DNA2: variants seen among roughly 807,000 people sequenced by gnomAD.
DNA2 encodes the protein DNA replication helicase/nuclease 2, also known as DNA replication ATP-dependent helicase/nuclease DNA2.
In DNA2, 101 loss-of-function variants were observed where a neutral mutation model predicts 119.1. The ratio of observed to expected loss-of-function variants is 0.85; its 90% CI spans 0.72 to 1.00. DNA2 has a LOEUF of 1.00. Among genes scored for constraint, DNA2 ranks in the 50% least tolerant of loss-of-function variants. The probability of loss-of-function intolerance (pLI) is 0.00; values close to 1 mark genes in which losing one functional copy is unlikely to be tolerated. For synonymous variants in DNA2, 366 were observed against 424.4 expected (o/e 0.86, Z 1.69); for missense variants, 1,121 against 1,255.5 (o/e 0.89, Z 1.62).
At chr10:68,416,441 G>C (rs2051590435) in intron 20 of DNA2, among the ~76,000 whole-genome samples, 1 of 152,134 alleles carries the variant, frequency 6.6e-6, no homozygotes, top group Non-Finnish European at 1.5e-5. Context: ...ACTGCAGCCT[G>C]GGTGACAAAG....
Position 68,470,076 on chromosome 10 carries a change from A to G in DNA2, c.162T>C (p.Thr54=), listed in dbSNP as rs755493395. The G allele has an allele frequency of 1.9e-6, 3 of 1,613,908 alleles. No homozygotes were observed. Among genetic ancestry groups the G allele is most frequent in the Non-Finnish European group, 2.5e-6 (3 of 1,179,876 alleles). Residue 54 remains threonine, a synonymous_variant, in exon 2 of 21, where the codon ACT becomes ACC. Coordinates refer to ENST00000358410, the MANE Select transcript of DNA2 (RefSeq NM_001080449.3). ...CACAGTTTCCCTCTTTGTTCTGTAC[A>G]GTATTGACTGCCAACACCAGGTACC... is the stretch of plus-strand genomic sequence containing the variant. ...DNRYLVLAVN[T]VQNKEGNCEK...
intron 2 of DNA2, 147 bp from the exon 3 acceptor site, chr10:68,468,453 T>C: frequency 1.9e-6 from 1 of 531,240 alleles, no homozygotes; most frequent in Non-Finnish European, 3.0e-6. Context: ...AAAAAAAAAA[T>C]CAAATAGCAG....
chr10:68,472,073 C>G, upstream of DNA2: 1 of 1,583,852 alleles, frequency 6.3e-7, no homozygotes, highest in South Asian at 1.1e-5. Flanking sequence ...AGGGCTCTGT[C>G]CCCTGCCTTT....
At chr10:68,442,520 G>A (rs1056163594) in intron 9 of DNA2, among the ~76,000 whole-genome samples, 1 of 152,098 alleles carries the variant, frequency 6.6e-6, no homozygotes, top group Non-Finnish European at 1.5e-5. Context: ...CCAAGTAGCT[G>A]GGATTACAGG....
At chr10:68,464,183 T>C (rs2052296852) in intron 4 of DNA2, among the ~76,000 whole-genome samples, 1 of 152,166 alleles carries the variant, frequency 6.6e-6, no homozygotes, top group Non-Finnish European at 1.5e-5. Flanking sequence ...AATGTAAACT[T>C]GGACAATGTC....
intron 4 of DNA2, among the ~76,000 whole-genome samples, chr10:68,464,852 A>C (rs1264153991): frequency 6.1e-5 from 9 of 148,620 alleles, no homozygotes; most frequent in Non-Finnish European, 1.3e-4. Context: ...AAAAAAAAAA[A>C]AAAAAACTGG....
At chr10:68,452,025 A>AT (rs2052125407) in intron 5 of DNA2, among the ~76,000 whole-genome samples, 1 of 152,170 alleles carries the variant, frequency 6.6e-6, no homozygotes, top group Non-Finnish European at 1.5e-5. Context: ...ATCCTTCCAG[A>AT]ATAGTTGAAG....
intron 14 of DNA2, among the ~76,000 whole-genome samples, chr10:68,429,572 C>T (rs2051788919): frequency 7.0e-6 from 1 of 143,718 alleles, no homozygotes. Context: ...ATTAGTCAGG[C>T]GTGGTGGCGG....
rs75228911 is a variant in DNA2, at chr10:68,418,098, C to G, written c.2967+936G>C. Reference sequence around the variant, plus strand: ...AACAACACTGTGAATGCACTCAACACTAATTAAACTGTACACCTAAAAATG... The same window carrying G: ...AACAACACTGTGAATGCACTCAACAGTAATTAAACTGTACACCTAAAAATG... On this transcript the variant is annotated intron_variant, in intron 19 of 20. Coordinates refer to ENST00000358410, the MANE Select transcript of DNA2 (RefSeq NM_001080449.3). 7.9e-3 allele frequency among the ~76,000 whole-genome samples: 1,201 copies of G among 152,194 alleles called. 25 individuals are homozygous for G. Among genetic ancestry groups the G allele is most frequent in the African/African-American group, 0.028 (1,157 of 41,548 alleles).
intron 14 of DNA2, 46 bp from the exon 15 acceptor site, chr10:68,422,936 T>C (rs2051685670): frequency 2.2e-6 from 3 of 1,375,656 alleles, no homozygotes; most frequent in South Asian, 1.6e-5. Context: ...GTAAAAGAAA[T>C]GTAGTTTTGT....
chr10:68,461,554 C>A (rs974050055), intron 4 of DNA2: 1 of 152,090 alleles, frequency 6.6e-6, no homozygotes, highest in South Asian at 2.1e-4. Context: ...AATGGCCAGG[C>A]TCTGTGGCTC....
At chr10:68,469,340 T>C (rs1280228063) in intron 2 of DNA2, among the ~76,000 whole-genome samples, 6 of 148,910 alleles carry the variant, frequency 4.0e-5, no homozygotes, top group Non-Finnish European at 7.4e-5. Context: ...GGTCAGGGGA[T>C]TCGAGACCAT....
chr10:68,448,901 G>A (rs1371018699), intron 6 of DNA2, among the ~76,000 whole-genome samples: 2 of 151,878 alleles, frequency 1.3e-5, no homozygotes, highest in African/African-American at 4.8e-5. Context: ...CTCCCGAGTA[G>A]CTGGGACTAC....
rs943672058 is a variant in DNA2 at position 68,471,888 on chromosome 10, G to A, written c.-24C>T. The A allele has an allele frequency of 6.2e-7, 1 of 1,613,934 alleles. No homozygotes were observed. On this transcript the variant is annotated 5_prime_UTR_variant, in exon 1 of 21. Transcript: ENST00000358410. ...ATCCTGGACGCGGGGATCGCAAACT[G>A]TAGACAGAAAAGACAGCGGAACCGG... is the stretch of plus-strand genomic sequence containing the variant.
chr10:68,417,645 C>T, intron 19 of DNA2, among the ~76,000 whole-genome samples: 1 of 118,784 alleles, frequency 8.4e-6, no homozygotes, highest in Admixed American at 9.7e-5. Flanking sequence ...AGAGCCAGAT[C>T]TCATCTCAAA....
intron 19 of DNA2, among the ~76,000 whole-genome samples, chr10:68,418,453 T>A (rs1174972966): frequency 6.6e-6 from 1 of 151,248 alleles, no homozygotes; most frequent in Admixed American, 6.6e-5. Context: ...TTATGTGTTC[T>A]TTTAAACCAC....
rs35788452 is a variant in DNA2 at position 68,452,737 on chromosome 10, A to AT, written c.720-2491dup. On this transcript the variant is annotated intron_variant, in intron 5 of 20. Coordinates refer to ENST00000358410, the MANE Select transcript of DNA2 (RefSeq NM_001080449.3). The stretch of plus-strand genomic sequence containing the variant: ...CAGGCATCTGCCATTACGCCCAGCT[A>AT]TTTTTTTTTTTTTTTTTTTTTTTTT... Among the ~76,000 whole-genome samples the AT allele has an allele frequency of 4.7e-3, 428 of 90,164 alleles. 14 individuals are homozygous for AT. Among genetic ancestry groups the AT allele is most frequent in the Middle Eastern group, 6.3e-3 (1 of 160 alleles). The allele number at this position is 90,164 out of a possible 152,430, so 59.2% of individuals were successfully genotyped here. A position where few individuals can be genotyped will look rare whatever the true frequency, so the allele number is the denominator to read the frequency against.
rs2051835289 is a variant in DNA2 at position 68,432,416 on chromosome 10, A to G, written c.1741T>C (p.Leu581=). 1.3e-6 allele frequency: 2 copies of G among 1,596,368 alleles called. No individual in the cohort carries two copies. Among genetic ancestry groups the G allele is most frequent in the African/African-American group, 1.3e-5 (1 of 74,458 alleles). The change falls in exon 11 of 21, where the codon TTG becomes CTG. Residue 581 remains leucine (L), a synonymous_variant. Coordinates refer to ENST00000358410, the MANE Select transcript of DNA2 (RefSeq NM_001080449.3). ...IDTPLGNLSK[L]MENTFVSKKL... is the part of the protein sequence containing the mutation. ...AACCTGACAAACGTGTTTTCCATCA[A>G]TTTGGAAAGATTTCCTAATGGGGTA...
At chr10:68,421,714 C>T (rs1252629693) in intron 17 of DNA2, among the ~76,000 whole-genome samples, 2 of 151,976 alleles carry the variant, frequency 1.3e-5, no homozygotes, top group East Asian at 3.9e-4. Flanking sequence ...GATCATGCCA[C>T]TTGGGCAACA....
Sources: gnomAD v4.1 joint callset for allele counts (sites outside exome capture counted in the v4.1 genomes callset) on GRCh38, gnomAD v4.1.1 for gene constraint, MANE v1.5 for transcripts, NCBI Gene and HGNC (gene_info 2026-07-23, HGNC 2026-07-21) for gene names.